POLR3E: variants seen among roughly 807,000 people sequenced by gnomAD.
The protein encoded by POLR3E is RNA polymerase III subunit E.
POLR3E carries 41 observed loss-of-function variants against 96.6 expected under a neutral mutation model. That is an observed-to-expected ratio of 0.42 (90% CI 0.33 to 0.55). The LOEUF is 0.55. Among genes scored for constraint, POLR3E ranks in the 20% least tolerant of loss-of-function variants. The pLI, the probability that POLR3E is intolerant of heterozygous loss-of-function variation, is 0.06. For synonymous variants in POLR3E, 396 were observed against 383.6 expected (o/e 1.03, Z -0.38); for missense variants, 849 against 952.1 (o/e 0.89, Z 1.43).
Position 22,325,251 on chromosome 16 carries a change from C to G in POLR3E, c.1333C>G (p.Pro445Ala). The G allele has an allele frequency of 6.2e-7, 1 of 1,613,632 alleles. No individual in the cohort carries two copies. Among genetic ancestry groups the G allele is most frequent in the South Asian group, 1.1e-5 (1 of 91,060 alleles). ...NLVKETMPKK[P>A]DAQSGPAGLV... ...TGTAAAGGAAACCATGCCAAAGAAG[C>G]CGGATGCACAATCAGGTGTGTGAGG... Residue 445 changes from proline (P) to alanine (A), a missense_variant, in exon 17 of 21, where the codon CCG (proline) becomes GCG (alanine). Transcript: ENST00000299853.
Position 22,322,805 on chromosome 16 carries a change from G to C in POLR3E, c.987-45G>C. 7.3e-7 allele frequency: 1 copy of C among 1,367,892 alleles called. No homozygotes were observed. The highest frequency in any genetic ancestry group is 1.0e-6 in the Non-Finnish European group (1 of 959,784). The allele number at this position is 1,367,892 out of a possible 1,614,324, so 84.7% of individuals were successfully genotyped here. A position where few individuals can be genotyped will look rare whatever the true frequency, so the allele number is the denominator to read the frequency against. On this transcript the variant is annotated intron_variant, in intron 13 of 20. Coordinates refer to ENST00000299853, the MANE Select transcript of POLR3E (RefSeq NM_018119.4). The surrounding 1 kb of genome is among the most constrained non-coding windows in gnomAD (Gnocchi z 5.2). ...GGCCGGGAGGGGTAGCGGTAGAGGG[G>C]GCTCAGGGCAGGGACTGACCTGCCA...
intron 1 of POLR3E, among the ~76,000 whole-genome samples, chr16:22,300,653 C>T (rs896221519): frequency 6.6e-6 from 1 of 152,206 alleles, no homozygotes; most frequent in Non-Finnish European, 1.5e-5. Context: ...ACACTGCCCT[C>T]TGTCTGCACA....
At position 22,305,757 on chromosome 16, in the gene POLR3E, G is replaced by C. The variant is rs1229457794; in HGVS notation, c.87+551G>C. 3.3e-5 allele frequency among the ~76,000 whole-genome samples: 5 copies of C among 152,172 alleles called. No individual in the cohort carries two copies. The East Asian group carries it at 5.8e-4, about 18-fold the overall frequency. ...GTTGCTACCTCTGCCCCCTCCCCTTGCTGCTGGGCCAGCAGCTTGTCATTG... is the reference window on the plus strand; with the variant it reads ...GTTGCTACCTCTGCCCCCTCCCCTTCCTGCTGGGCCAGCAGCTTGTCATTG... On this transcript the variant is annotated intron_variant, in intron 3 of 20. Transcript: ENST00000299853.
intron 3 of POLR3E, among the ~76,000 whole-genome samples, chr16:22,305,950 G>T (rs1188818929): frequency 6.6e-6 from 1 of 152,168 alleles, no homozygotes; most frequent in Non-Finnish European, 1.5e-5. Context: ...AGTGTGTAAT[G>T]CAATGGATTT....
At chr16:22,324,230 A>G in intron 14 of POLR3E, 124 bp from the exon 15 acceptor site, 1 of 717,456 alleles carries the variant, frequency 1.4e-6, no homozygotes, top group Non-Finnish European at 2.5e-6. Context: ...TGTTGGGAAG[A>G]ATCAAGGCCA....
intron 19 of POLR3E, among the ~76,000 whole-genome samples, chr16:22,331,123 C>T (rs981908871): frequency 6.9e-6 from 1 of 144,836 alleles, no homozygotes; most frequent in Admixed American, 7.4e-5. Flanking sequence ...GGATTATAGG[C>T]GTGTGCCACC....
At chr16:22,305,532 C>A in intron 3 of POLR3E, 1 of 554,652 alleles carries the variant, frequency 1.8e-6, no homozygotes, top group Admixed American at 2.2e-5. Flanking sequence ...ACTTTCCTCA[C>A]TTGCAAAGTG....
chr16:22,309,348 A>C, intron 5 of POLR3E, 80 bp from the exon 6 acceptor site: 1 of 1,067,992 alleles, frequency 9.4e-7, no homozygotes, highest in Non-Finnish European at 1.5e-6. Context: ...GAAAGTGTCT[A>C]GGGGGTGGGG....
Position 22,322,153 on chromosome 16 carries a change from CAGTT to C in POLR3E, c.987-696_987-693del, listed in dbSNP as rs1438480421. Among the ~76,000 whole-genome samples, 3 of 152,170 alleles carry C rather than the reference CAGTT, an allele frequency of 2.0e-5. No homozygotes were observed. Among genetic ancestry groups the C allele is most frequent in the South Asian group, 2.1e-4 (1 of 4,826 alleles). On this transcript the variant is annotated intron_variant, in intron 13 of 20. Transcript: ENST00000299853. This position sits in a 1 kb window ranked among gnomAD's most constrained non-coding sequence, Gnocchi z 5.2. ...GAGCGTGGCCTTGCAGGATGAGTGA[CAGTT>C]GGTTGCCAGGTGGACCTGAGCAGGG... is the stretch of plus-strand genomic sequence containing the variant.
At chr16:22,333,599 C>T (rs1308179078) in intron 20 of POLR3E, 45 bp from the exon 21 acceptor site, 2 of 1,348,908 alleles carry the variant, frequency 1.5e-6, no homozygotes, top group Non-Finnish European at 2.1e-6. Flanking sequence ...GTAATTAGCT[C>T]CTTTTCCTGC....
intron 2 of POLR3E, among the ~76,000 whole-genome samples, chr16:22,304,403 G>C (rs1486094123): frequency 1.3e-5 from 2 of 152,178 alleles, no homozygotes; most frequent in African/African-American, 4.8e-5. Context: ...AGTTACAACA[G>C]GGGGGTTGGT....
chr16:22,305,086 C>T (rs777238478), intron 2 of POLR3E, 70 bp from the exon 3 acceptor site: 305 of 1,214,030 alleles, frequency 2.5e-4, no homozygotes, highest in Non-Finnish European at 3.0e-4. Context: ...AAGCTGGAAG[C>T]GCTGGCATAG....
At chr16:22,308,390 T>C in intron 4 of POLR3E, 165 bp downstream of exon 4, 1 of 638,426 alleles carries the variant, frequency 1.6e-6, no homozygotes, top group Admixed American at 2.3e-5. Flanking sequence ...AAGACAGGGA[T>C]GGGCAGCTCC....
intron 17 of POLR3E, 54 bp from the exon 18 acceptor site, chr16:22,325,707 T>C (rs1356341712): frequency 6.7e-7 from 1 of 1,502,514 alleles, no homozygotes; most frequent in Non-Finnish European, 8.8e-7. Flanking sequence ...CCTGCTGGGC[T>C]TTTGGCTTCA....
rs371078507 is a variant in POLR3E at position 22,325,904 on chromosome 16, A to G, written c.1492A>G (p.Lys498Glu). The change falls in exon 18 of 21, where the codon AAG becomes GAG. Residue 498 changes from lysine (K) to glutamate (E), a missense_variant. Transcript: ENST00000299853. ...VPAVPPGVRI[K>E]EEPVSEEGEE... Reference sequence around the variant, plus strand: ...TGCGGTCCCGCCCGGTGTGCGGATCAAGGAGGAGCCCGTGAGCGAGGAGGG... The same window carrying G: ...TGCGGTCCCGCCCGGTGTGCGGATCGAGGAGGAGCCCGTGAGCGAGGAGGG... 1.0e-5 allele frequency: 16 copies of G among 1,606,636 alleles called. No individual in the cohort carries two copies. Among genetic ancestry groups the G allele is most frequent in the Non-Finnish European group, 1.1e-5 (13 of 1,176,644 alleles).
intron 3 of POLR3E, among the ~76,000 whole-genome samples, chr16:22,306,092 C>T (rs2048127112): frequency 6.6e-6 from 1 of 152,120 alleles, no homozygotes; most frequent in African/African-American, 2.4e-5. Context: ...CCCAGGCAAC[C>T]ATTCCCCTTA....
rs146011762 is a variant in POLR3E at position 22,325,897 on chromosome 16, G to A, written c.1485G>A (p.Val495=). The A allele has an allele frequency of 1.8e-5, 29 of 1,607,908 alleles. No homozygotes were observed. The highest frequency in any genetic ancestry group is 1.4e-4 in the Admixed American group (8 of 58,826). The change falls in exon 18 of 21, where the codon GTG becomes GTA. Residue 495 remains valine, a synonymous_variant. Transcript: ENST00000299853. ...QLRVPAVPPG[V]RIKEEPVSEE... ...GGGTGCCTGCGGTCCCGCCCGGTGT[G>A]CGGATCAAGGAGGAGCCCGTGAGCG...
intron 1 of POLR3E, among the ~76,000 whole-genome samples, chr16:22,300,272 G>A (rs1291112226): frequency 6.6e-6 from 1 of 152,212 alleles, no homozygotes; most frequent in Admixed American, 6.5e-5. Context: ...TATGTTCTGG[G>A]TTATTTATAT....
At chr16:22,319,036 G>A (rs1567322088) in intron 13 of POLR3E, 90 bp downstream of exon 13, 21 of 917,358 alleles carry the variant, frequency 2.3e-5, no homozygotes, top group Middle Eastern at 3.6e-4. Context: ...GTGTAGTGGC[G>A]CAATCTCGGC....
Sources: gnomAD v4.1 joint callset for allele counts (sites outside exome capture counted in the v4.1 genomes callset) on GRCh38, gnomAD v4.1.1 for gene constraint, Gnocchi (gnomAD v3.1) non-coding constraint, MANE v1.5 for transcripts, NCBI Gene and HGNC (gene_info 2026-07-23, HGNC 2026-07-21) for gene names.